MIER1: variants seen among roughly 807,000 people sequenced by gnomAD.
The protein encoded by MIER1 is mesoderm induction early response protein 1.
Under a neutral mutation model 75.7 loss-of-function variants are expected in MIER1, and 40 were observed. That is an observed-to-expected ratio of 0.53 (90% confidence interval 0.41 to 0.69). The LOEUF (loss-of-function observed/expected upper bound fraction) is 0.69. Ranked by LOEUF, MIER1 falls within the 30% of genes least tolerant of loss-of-function variation. The pLI is 0.00. For missense variants in MIER1, 574 were observed against 680.2 expected (o/e 0.84, Z 1.74); for synonymous variants, 213 against 223.4 (o/e 0.95, Z 0.42).
At chr1:66,964,333 A>G (rs553236373) in intron 8 of MIER1, among the ~76,000 whole-genome samples, 89 of 151,992 alleles carry the variant, frequency 5.9e-4, no homozygotes, top group South Asian at 1.0e-3. Flanking sequence ...TCGGCCGCCC[A>G]TAGTGCTGGG....
In MIER1 at chr1:66,983,977, G is replaced by C. The variant is rs866918825; in HGVS notation, c.1370-595G>C. 4.6e-5 allele frequency among the ~76,000 whole-genome samples: 7 copies of C among 152,154 alleles called. No homozygotes were observed. In the South Asian group the frequency reaches 1.4e-3, roughly 32 times the overall value. ...CTGACCTCATGATACACCCGCCTTG[G>C]CCTCCCAAAGTGCTGGGAATACAGG... On this transcript the variant is annotated intron_variant, in intron 13 of 13. Coordinates refer to ENST00000401041, the MANE Select transcript of MIER1 (RefSeq NM_001077700.3).
intron 7 of MIER1, among the ~76,000 whole-genome samples, chr1:66,961,336 G>A (rs1258915727): frequency 6.6e-6 from 1 of 152,128 alleles, no homozygotes; most frequent in Non-Finnish European, 1.5e-5. Flanking sequence ...GTGCTCCTGA[G>A]AAAATCAAAT....
chr1:66,950,712 T>C (rs1038796306), intron 4 of MIER1, among the ~76,000 whole-genome samples: 2 of 152,106 alleles, frequency 1.3e-5, no homozygotes, highest in African/African-American at 4.8e-5. Context: ...ACACACAAAT[T>C]AATTATATAG....
chr1:66,936,998 C>CAAAA (rs751644771), intron 2 of MIER1, among the ~76,000 whole-genome samples: 8 of 68,328 alleles, frequency 1.2e-4, no homozygotes, highest in Admixed American at 1.9e-4. Context: ...GACTCCATCT[C>CAAAA]AAAAAAAAAA....
At chr1:66,962,508 G>C (rs1028767856) in intron 7 of MIER1, among the ~76,000 whole-genome samples, 2 of 152,114 alleles carry the variant, frequency 1.3e-5, no homozygotes, top group Non-Finnish European at 2.9e-5. Context: ...TGGGACCTGA[G>C]CATTTGCATT....
intron 7 of MIER1, among the ~76,000 whole-genome samples, chr1:66,960,268 A>G (rs1216114711): frequency 6.6e-6 from 1 of 152,188 alleles, no homozygotes; most frequent in African/African-American, 2.4e-5. Flanking sequence ...ATTACTTTAT[A>G]AAAGAAAAAC....
intron 3 of MIER1, among the ~76,000 whole-genome samples, chr1:66,945,243 T>C (rs949617081): frequency 2.7e-5 from 4 of 149,724 alleles, no homozygotes; most frequent in East Asian, 1.9e-4. Flanking sequence ...ATTTCTCTTA[T>C]ATGCTTTAAA....
chr1:66,973,077 A>G, intron 11 of MIER1, 86 bp downstream of exon 11: 1 of 714,700 alleles, frequency 1.4e-6, no homozygotes, highest in African/African-American at 1.8e-5. Flanking sequence ...TATATTGTCT[A>G]GTGTTAAAGG....
intron 3 of MIER1, 157 bp downstream of exon 3, chr1:66,940,209 C>G (rs1655856220): frequency 1.9e-6 from 1 of 525,968 alleles, no homozygotes; most frequent in East Asian, 3.3e-5. Context: ...GTTTGACTGC[C>G]CATGAAAGTA....
chr1:66,962,776 T>C (rs1661515539), intron 7 of MIER1, among the ~76,000 whole-genome samples: 1 of 151,374 alleles, frequency 6.6e-6, no homozygotes, highest in Non-Finnish European at 1.5e-5. Context: ...TGAATTTGAC[T>C]TTGTGTTTTA....
chr1:66,932,790 G>A (rs1653763919), intron 2 of MIER1: 1 of 151,944 alleles, frequency 6.6e-6, no homozygotes, highest in South Asian at 2.1e-4. Flanking sequence ...GGGAAAACAG[G>A]TTATTGAAGA....
rs146386385 is a variant in MIER1, at chr1:66,944,614, A to G, written c.194-1536A>G. 2.1e-4 allele frequency among the ~76,000 whole-genome samples: 32 copies of G among 152,086 alleles called. 1 individual carries two copies. Among genetic ancestry groups the G allele is most frequent in the Admixed American group, 1.0e-3 (16 of 15,276 alleles). On this transcript the variant is annotated intron_variant, in intron 3 of 13. Transcript: ENST00000401041. The stretch of plus-strand genomic sequence containing the variant: ...GATTATTTTTAATGCCTTTGATAGG[A>G]GTTCTCTATGCAGTTTTAATAAATT...
intron 3 of MIER1, among the ~76,000 whole-genome samples, chr1:66,941,907 T>G (rs1656304153): frequency 6.7e-6 from 1 of 148,876 alleles, no homozygotes. Flanking sequence ...AGGTGAAGGT[T>G]GCAGTGAGCT....
intron 10 of MIER1, among the ~76,000 whole-genome samples, chr1:66,972,403 C>A (rs532386138): frequency 1.2e-4 from 18 of 151,746 alleles, no homozygotes; most frequent in South Asian, 2.1e-4. Flanking sequence ...CTGATGAATT[C>A]TTCAAGGAAA....
intron 7 of MIER1, among the ~76,000 whole-genome samples, chr1:66,962,679 C>A: frequency 6.6e-6 from 1 of 152,038 alleles, no homozygotes; most frequent in Non-Finnish European, 1.5e-5. Context: ...CTCAAAAAAA[C>A]AAAAATTTCA....
intron 8 of MIER1, among the ~76,000 whole-genome samples, chr1:66,966,854 C>G (rs1013477410): frequency 1.3e-5 from 2 of 152,128 alleles, no homozygotes; most frequent in African/African-American, 4.8e-5. Context: ...ATTTTTAAAT[C>G]AGATTATTAG....
At chr1:66,954,533 C>T (rs532601115) in intron 4 of MIER1, among the ~76,000 whole-genome samples, 156 of 152,202 alleles carry the variant, frequency 1.0e-3, no homozygotes, top group African/African-American at 3.4e-3. Context: ...TTGTCATTTG[C>T]TCTGACTTGA....
intron 3 of MIER1, among the ~76,000 whole-genome samples, chr1:66,941,094 CATAAG>C (rs1215531502): frequency 6.6e-6 from 1 of 152,156 alleles, no homozygotes; most frequent in Non-Finnish European, 1.5e-5. Context: ...AAATGCTTAA[CATAAG>C]ATAAGCCTGT....
At chr1:66,980,581 C>T (rs1239848700) in intron 12 of MIER1, among the ~76,000 whole-genome samples, 1 of 152,148 alleles carries the variant, frequency 6.6e-6, no homozygotes. Flanking sequence ...TCAGAGCTTC[C>T]ACTGTTTCCT....
Sources: gnomAD v4.1 joint callset for allele counts (sites outside exome capture counted in the v4.1 genomes callset) on GRCh38, gnomAD v4.1.1 for gene constraint, MANE v1.5 for transcripts, NCBI Gene and HGNC (gene_info 2026-07-23, HGNC 2026-07-21) for gene names.